SKI: variants seen among roughly 807,000 people sequenced by gnomAD.
SKI encodes ski oncogene.
SKI carries 23 observed loss-of-function variants against 59.3 expected under a neutral mutation model. The observed-to-expected ratio is 0.39, with a 90% CI of 0.28 to 0.55. The LOEUF is 0.55. SKI is among the 20% of genes least tolerant of loss of function. The pLI is 0.67. For synonymous variants in SKI, 673 were observed against 488.6 expected (o/e 1.38, Z -4.98); for missense variants, 1,017 against 1,038.9 (o/e 0.98, Z 0.29).
At chr1:2,293,145 G>T (rs763918701) in intron 1 of SKI, among the ~76,000 whole-genome samples, 1 of 152,350 alleles carries the variant, frequency 6.6e-6, no homozygotes, top group East Asian at 1.9e-4. Context: ...GGGCCTGAGC[G>T]GGGCAGGCCA....
chr1:2,275,583 G>T (rs1020927858), intron 1 of SKI, among the ~76,000 whole-genome samples: 11 of 152,084 alleles, frequency 7.2e-5, no homozygotes, highest in African/African-American at 2.2e-4. Context: ...GCGCGATCTC[G>T]GCTCACTGCA....
intron 1 of SKI, among the ~76,000 whole-genome samples, chr1:2,246,995 A>C (rs945151246): frequency 1.3e-5 from 2 of 152,160 alleles, no homozygotes; most frequent in African/African-American, 4.8e-5. Flanking sequence ...GGCTGAGGCC[A>C]GCGGATCACA....
chr1:2,254,434 A>T lies in SKI; in HGVS notation c.969+24699A>T, dbSNP rs142068030. On this transcript the variant is annotated intron_variant, in intron 1 of 6. Transcript: ENST00000378536. ...AACAGCCCTGAAATGGCAATGCCTC[A>T]TCCTAGGATTACCGTCCCTTCCCGA... is the stretch of plus-strand genomic sequence containing the variant. Among the ~76,000 whole-genome samples, 298 of 152,242 alleles carry T rather than the reference A, an allele frequency of 2.0e-3. 1 individual carries two copies. Among genetic ancestry groups the T allele is most frequent in the African/African-American group, 7.0e-3 (289 of 41,548 alleles).
At chr1:2,291,431 C>T (rs1640159712) in intron 1 of SKI, among the ~76,000 whole-genome samples, 2 of 152,308 alleles carry the variant, frequency 1.3e-5, no homozygotes, top group Admixed American at 6.5e-5. Flanking sequence ...GCCAGACTTC[C>T]CGGGGTCAGC....
chr1:2,230,167 G>A (rs1438710363), intron 1 of SKI, among the ~76,000 whole-genome samples: 3 of 152,186 alleles, frequency 2.0e-5, no homozygotes, highest in African/African-American at 2.4e-5. Flanking sequence ...GGCTGTCCTC[G>A]CCCCGAAGGC....
intron 1 of SKI, among the ~76,000 whole-genome samples, chr1:2,245,736 A>G (rs1354041462): frequency 6.7e-6 from 1 of 149,954 alleles, no homozygotes; most frequent in African/African-American, 2.5e-5. Flanking sequence ...TTGGCCTCCT[A>G]AAGTGCTGGG....
chr1:2,246,871 C>G (rs1639010865), intron 1 of SKI, among the ~76,000 whole-genome samples: 2 of 152,142 alleles, frequency 1.3e-5, no homozygotes, highest in East Asian at 3.9e-4. Flanking sequence ...GCCTCAGGAA[C>G]CTCCACCTCG....
chr1:2,266,094 C>G (rs1639494938), intron 1 of SKI, among the ~76,000 whole-genome samples: 1 of 152,090 alleles, frequency 6.6e-6, no homozygotes, highest in South Asian at 2.1e-4. Context: ...TAGAGCTGGG[C>G]TCAGGGCTCA....
chr1:2,241,396 AT>A (rs895926156), intron 1 of SKI, among the ~76,000 whole-genome samples: 4 of 150,200 alleles, frequency 2.7e-5, no homozygotes, highest in Admixed American at 6.6e-5. Flanking sequence ...AGGGATTGTA[AT>A]TTTTTTTTTC....
Position 2,304,071 on chromosome 1 carries a change from G to A in SKI, c.1443G>A (p.Glu481=). Residue 481 remains glutamate (E), a synonymous_variant, in exon 4 of 7, where the codon GAG becomes GAA. Coordinates refer to ENST00000378536, the MANE Select transcript of SKI (RefSeq NM_003036.4). ...VAAPEEDKDS[E]AEVEVESREE... Reference sequence around the variant, plus strand: ...CCCCAGAGGAGGACAAGGACTCGGAGGCGGAGGTGGAAGTTGAAAGCAGGG... The same window carrying A: ...CCCCAGAGGAGGACAAGGACTCGGAAGCGGAGGTGGAAGTTGAAAGCAGGG... 3 of 1,612,468 alleles carry A rather than the reference G, an allele frequency of 1.9e-6. No homozygotes were observed. The Middle Eastern group carries it at 5.0e-4, about 268-fold the overall frequency.
At chr1:2,300,803 A>G (rs183434922) in intron 1 of SKI, among the ~76,000 whole-genome samples, 217 of 152,180 alleles carry the variant, frequency 1.4e-3, no homozygotes, top group African/African-American at 4.9e-3. Context: ...CCCTGGCCCC[A>G]AGGATGGCCC....
At chr1:2,243,805 C>T (rs564706191) in intron 1 of SKI, among the ~76,000 whole-genome samples, 25 of 152,124 alleles carry the variant, frequency 1.6e-4, no homozygotes, top group Non-Finnish European at 2.5e-4. Context: ...TACTGATACA[C>T]GCACACGCAA....
At chr1:2,299,682 A>T (rs574095323) in intron 1 of SKI, among the ~76,000 whole-genome samples, 23 of 152,172 alleles carry the variant, frequency 1.5e-4, no homozygotes, top group African/African-American at 5.5e-4. Context: ...GGGAAGGGAG[A>T]TGGCAGTTCT....
In SKI at chr1:2,236,736, C is replaced by T. The variant is rs181518879; in HGVS notation, c.969+7001C>T. On this transcript the variant is annotated intron_variant, in intron 1 of 6. Transcript: ENST00000378536. ...CCACCTTTGGAAGAAATTGGTTCACCGTCTTCTGACCTGGGGGGCGCTTCT... is the reference window on the plus strand; with the variant it reads ...CCACCTTTGGAAGAAATTGGTTCACTGTCTTCTGACCTGGGGGGCGCTTCT... Among the ~76,000 whole-genome samples the T allele has an allele frequency of 1.7e-3, 257 of 152,250 alleles. No homozygotes were observed. The South Asian group carries it at 0.017, about 10-fold the overall frequency.
In SKI at chr1:2,303,871, G is replaced by C; in HGVS notation, c.1243G>C (p.Val415Leu). The change falls in exon 4 of 7, where the codon GTG becomes CTG. Residue 415 changes from valine to leucine, a missense_variant. Physicochemically the swap from Val to Leu is conservative, Grantham distance 32 (BLOSUM62 1). Transcript: ENST00000378536. This position sits in a 1 kb window ranked among gnomAD's most constrained non-coding sequence, Gnocchi z 5.6. ...CTCCTACAAGAGCTTTGAGACAGCCGTGGCGCCCAACGTGGCCCTCGCACC... is the reference window on the plus strand; with the variant it reads ...CTCCTACAAGAGCTTTGAGACAGCCCTGGCGCCCAACGTGGCCCTCGCACC... The part of the protein sequence containing the change: ...FYSYKSFETA[V>L]APNVALAPPA... 1 of 1,612,484 alleles carries C rather than the reference G, an allele frequency of 6.2e-7. No homozygotes were observed. The highest frequency in any genetic ancestry group is 8.5e-7 in the Non-Finnish European group (1 of 1,179,814).
At chr1:2,290,545 T>C (rs1417787302) in intron 1 of SKI, among the ~76,000 whole-genome samples, 1 of 152,122 alleles carries the variant, frequency 6.6e-6, no homozygotes, top group East Asian at 1.9e-4. Flanking sequence ...GCGGGTGGGC[T>C]GGGGTCGTCA....
chr1:2,229,108 G>T lies in SKI; in HGVS notation c.342G>T (p.Val114=), dbSNP rs1057523880. 6.2e-7 allele frequency: 1 copy of T among 1,610,280 alleles called. No individual in the cohort carries two copies. The highest frequency in any genetic ancestry group is 8.5e-7 in the Non-Finnish European group (1 of 1,179,876). The change falls in exon 1 of 7, where the codon GTG becomes GTT. Residue 114 remains valine, a synonymous_variant. Coordinates refer to ENST00000378536, the MANE Select transcript of SKI (RefSeq NM_003036.4). This position sits in a 1 kb window ranked among gnomAD's most constrained non-coding sequence, Gnocchi z 6.3. ...AAGGCGAGACCATCTCGTGCTTCGT[G>T]GTGGGAGGCGAGAAGCGCCTGTGTC... is the stretch of plus-strand genomic sequence containing the variant. ...VLEGETISCF[V]VGGEKRLCLP... is the part of the protein sequence containing the mutation.
chr1:2,295,348 C>T (rs985790689), intron 1 of SKI, among the ~76,000 whole-genome samples: 3 of 152,216 alleles, frequency 2.0e-5, no homozygotes, highest in Admixed American at 1.3e-4. Flanking sequence ...GTTTGGCTTT[C>T]GACCAAGAAT....
chr1:2,264,975 TA>T (rs1245124014), intron 1 of SKI, among the ~76,000 whole-genome samples: 1 of 152,098 alleles, frequency 6.6e-6, no homozygotes, highest in Non-Finnish European at 1.5e-5. Context: ...CACGCCTGGC[TA>T]ATTTTTTGTA....
Sources: gnomAD v4.1 joint callset for allele counts (sites outside exome capture counted in the v4.1 genomes callset) on GRCh38, gnomAD v4.1.1 for gene constraint, Gnocchi (gnomAD v3.1) non-coding constraint, MANE v1.5 for transcripts, NCBI Gene and HGNC (gene_info 2026-07-23, HGNC 2026-07-21) for gene names.